COL4A2: variants seen among roughly 807,000 people sequenced by gnomAD.
COL4A2 encodes the protein collagen alpha-2(IV) chain.
Under a neutral mutation model 200.2 loss-of-function variants are expected in COL4A2, and 99 were observed. The ratio of observed to expected loss-of-function variants is 0.49; its 90% CI spans 0.42 to 0.58. The LOEUF (loss-of-function observed/expected upper bound fraction) is 0.58, where lower values mean the gene tolerates loss of function less well. Among genes scored for constraint, COL4A2 ranks in the 20% least tolerant of loss-of-function variants. The pLI is 0.00. For missense variants in COL4A2, 1,950 were observed against 2,314.1 expected, an observed-to-expected ratio of 0.84 and a Z score of 3.23; for synonymous variants, 897 against 900.6, an observed-to-expected ratio of 1.00 and a Z score of 0.07.
At chr13:110,375,484 G>A (rs553141192) in intron 4 of COL4A2, among the ~76,000 whole-genome samples, 1 of 152,252 alleles carries the variant, frequency 6.6e-6, no homozygotes, top group South Asian at 2.1e-4. Context: ...CCTGCAAATA[G>A]GGCTCCCATT....
chr13:110,329,801 CAG>C (rs1428036806), intron 3 of COL4A2, among the ~76,000 whole-genome samples: 1 of 152,142 alleles, frequency 6.6e-6, no homozygotes, highest in Non-Finnish European at 1.5e-5. Context: ...ATGAAAGAGA[CAG>C]AGGAAGGTTA....
At chr13:110,500,635 A>T (rs1883605901) in intron 40 of COL4A2, among the ~76,000 whole-genome samples, 1 of 152,212 alleles carries the variant, frequency 6.6e-6, no homozygotes, top group South Asian at 2.1e-4. Context: ...TGAAGTCACC[A>T]AGAACACTGA....
At chr13:110,386,479 T>C (rs891341368) in intron 4 of COL4A2, among the ~76,000 whole-genome samples, 1 of 152,312 alleles carries the variant, frequency 6.6e-6, no homozygotes, top group East Asian at 1.9e-4. Context: ...CAATTGGGTG[T>C]ATCCCTTAGT....
At chr13:110,457,849 A>G (rs374693475) in intron 21 of COL4A2, 10 of 454,932 alleles carry the variant, frequency 2.2e-5, no homozygotes, top group African/African-American at 1.8e-4. Flanking sequence ...TATAGTCACC[A>G]TCCCTGGTCC....
chr13:110,428,942 G>A (rs548982525), intron 7 of COL4A2: 2 of 190,894 alleles, frequency 1.0e-5, no homozygotes, highest in Non-Finnish European at 2.1e-5. Flanking sequence ...ACTTTGTGAC[G>A]TGGGAGTGCA....
intron 24 of COL4A2, among the ~76,000 whole-genome samples, chr13:110,463,642 C>G (rs1882121018): frequency 6.6e-6 from 1 of 152,208 alleles, no homozygotes; most frequent in African/African-American, 2.4e-5. Context: ...AAGCCATCCT[C>G]CTGCCTCAAC....
intron 18 of COL4A2, among the ~76,000 whole-genome samples, chr13:110,447,664 T>G (rs1488257173): frequency 1.3e-5 from 2 of 152,232 alleles, no homozygotes; most frequent in African/African-American, 4.8e-5. Context: ...GACAGACATT[T>G]CAGCCCATCT....
chr13:110,437,539 G>T (rs897274161), intron 13 of COL4A2, among the ~76,000 whole-genome samples: 11 of 152,224 alleles, frequency 7.2e-5, no homozygotes, highest in African/African-American at 2.7e-4. Context: ...TCATGTTTTT[G>T]ATCTATGATA....
At chr13:110,414,926 A>C (rs2139444106) in intron 4 of COL4A2, among the ~76,000 whole-genome samples, 1 of 152,320 alleles carries the variant, frequency 6.6e-6, no homozygotes, top group African/African-American at 2.4e-5. Context: ...TGTATGGTAG[A>C]ATTTTTTTTG....
intron 4 of COL4A2, among the ~76,000 whole-genome samples, chr13:110,411,477 G>A (rs1373269442): frequency 6.6e-6 from 1 of 152,180 alleles, no homozygotes; most frequent in African/African-American, 2.4e-5. Context: ...TTGCTAAAAA[G>A]TAACAGAAAT....
In COL4A2 at chr13:110,360,833, G is replaced by A. The variant is rs533469741; in HGVS notation, c.180+3281G>A. The stretch of plus-strand genomic sequence containing the variant: ...GGACTGTGGGATCCACTGTGCACGC[G>A]CAGCACTCATGTGGCCTGAAATCTG... On this transcript the variant is annotated intron_variant, in intron 4 of 47. Transcript: ENST00000360467. Among the ~76,000 whole-genome samples, 190 of 151,820 alleles carry A rather than the reference G, an allele frequency of 1.3e-3. 1 individual carries two copies. The highest frequency in any genetic ancestry group is 3.8e-3 in the African/African-American group (156 of 41,394).
chr13:110,472,267 C>CCACT (rs1352312593), intron 28 of COL4A2, among the ~76,000 whole-genome samples: 2,655 of 152,126 alleles, frequency 0.017, 44 homozygotes, highest in Non-Finnish European at 0.026. Context: ...AGGCATCCGC[C>CCACT]ACCACACCTG....
intron 34 of COL4A2, among the ~76,000 whole-genome samples, chr13:110,488,197 G>A (rs1028434235): frequency 4.6e-5 from 7 of 152,102 alleles, no homozygotes; most frequent in Non-Finnish European, 8.8e-5. Flanking sequence ...AGCTAATTTT[G>A]TATTTTTAGT....
At chr13:110,493,418 T>C in intron 39 of COL4A2, 136 bp downstream of exon 39, 1 of 873,164 alleles carries the variant, frequency 1.1e-6, no homozygotes. Context: ...TGCTATGCGA[T>C]CGGCCGTGAG....
At chr13:110,491,784 C>G (rs993252096) in intron 37 of COL4A2, among the ~76,000 whole-genome samples, 1 of 152,214 alleles carries the variant, frequency 6.6e-6, no homozygotes, top group East Asian at 1.9e-4. Context: ...CCAGGCACTG[C>G]CTCAGGGTCC....
intron 3 of COL4A2, among the ~76,000 whole-genome samples, chr13:110,345,380 A>G (rs907839095): frequency 6.6e-6 from 1 of 152,184 alleles, no homozygotes; most frequent in Non-Finnish European, 1.5e-5. Context: ...GGAACAGTGG[A>G]TGCAGGGGAG....
intron 3 of COL4A2, among the ~76,000 whole-genome samples, chr13:110,313,308 C>T (rs982648634): frequency 6.6e-6 from 1 of 152,110 alleles, no homozygotes; most frequent in Non-Finnish European, 1.5e-5. Flanking sequence ...TTGGTGGCTC[C>T]GGAGGACGGT....
chr13:110,420,372 T>A (rs924042641), intron 4 of COL4A2, among the ~76,000 whole-genome samples: 11 of 152,210 alleles, frequency 7.2e-5, no homozygotes, highest in Admixed American at 3.3e-4. Flanking sequence ...TTCATTATCC[T>A]GTTTCTTAGG....
intron 4 of COL4A2, among the ~76,000 whole-genome samples, chr13:110,380,080 A>G (rs764629819): frequency 6.6e-5 from 10 of 152,164 alleles, no homozygotes; most frequent in Non-Finnish European, 1.3e-4. Context: ...CCGTCCCCAC[A>G]CCTTCCATGT....
Sources: gnomAD v4.1 joint callset for allele counts (sites outside exome capture counted in the v4.1 genomes callset) on GRCh38, gnomAD v4.1.1 for gene constraint, MANE v1.5 for transcripts, NCBI Gene and HGNC (gene_info 2026-07-23, HGNC 2026-07-21) for gene names.